The following MBLAC2 variants were observed in gnomAD, a reference collection of about 807,000 sequenced individuals.
The protein encoded by MBLAC2 is acyl-coenzyme A thioesterase MBLAC2.
MBLAC2 carries 24 observed loss-of-function variants against 23.3 expected under a neutral mutation model. That is an observed-to-expected ratio of 1.03 (90% confidence interval 0.75 to 1.45). The LOEUF is 1.45. Ranked by LOEUF, MBLAC2 falls within the 40% of genes most tolerant of loss-of-function variation. The probability of loss-of-function intolerance (pLI) is 0.00; values close to 1 mark genes in which losing one functional copy is unlikely to be tolerated. For synonymous variants in MBLAC2, 162 were observed against 150.9 expected, an observed-to-expected ratio of 1.07 and a Z score of -0.54; for missense variants, 358 against 370.0, an observed-to-expected ratio of 0.97 and a Z score of 0.27.
At chr5:90,470,032 C>T (rs1750519215) in intron 1 of MBLAC2, among the ~76,000 whole-genome samples, 1 of 152,134 alleles carries the variant, frequency 6.6e-6, no homozygotes, top group Non-Finnish European at 1.5e-5. Flanking sequence ...AAAATATACA[C>T]AGTGGAATTA....
At chr5:90,468,143 CT>C (rs1244208920) in intron 1 of MBLAC2, among the ~76,000 whole-genome samples, 19 of 152,258 alleles carry the variant, frequency 1.2e-4, no homozygotes, top group Middle Eastern at 6.8e-3. Flanking sequence ...TTCATCTTGA[CT>C]TTAGATAACA....
Position 90,473,672 on chromosome 5 carries a change from T to G in MBLAC2, c.454+167A>C, listed in dbSNP as rs752936071. 4.1e-6 allele frequency: 3 copies of G among 736,578 alleles called. 1 individual carries two copies. In the South Asian group the frequency reaches 4.4e-5, roughly 11 times the overall value. The allele number at this position is 736,578 out of a possible 1,614,324, so 45.6% of individuals were successfully genotyped here. ...CAGGGAAGGCTGTGATGGCCTTGAC[T>G]CTGGTCAAGTGGGTTTTTACTCAGG... On this transcript the variant is annotated intron_variant, in intron 1 of 1. Coordinates refer to ENST00000316610, the MANE Select transcript of MBLAC2 (RefSeq NM_203406.2).
chr5:90,467,877 T>A (rs1750476552), intron 1 of MBLAC2, among the ~76,000 whole-genome samples: 1 of 152,238 alleles, frequency 6.6e-6, no homozygotes, highest in South Asian at 2.1e-4. Context: ...GAGCTCCTTT[T>A]ATCAGTTCTT....
chr5:90,462,060 C>T (rs1750377012), intron 1 of MBLAC2, among the ~76,000 whole-genome samples: 1 of 152,112 alleles, frequency 6.6e-6, no homozygotes, highest in Non-Finnish European at 1.5e-5. Flanking sequence ...TGTATTTTGC[C>T]TCTTGTATCA....
In MBLAC2 at chr5:90,461,560, T is replaced by C. The variant is rs774338062; in HGVS notation, c.455-8A>G. The C allele has an allele frequency of 2.5e-6, 4 of 1,599,392 alleles. No homozygotes were observed. In the South Asian group the frequency reaches 3.4e-5, roughly 14 times the overall value. ...CAAGGTTGATCACATCCCCTACAAA[T>C]GGAAACAGAGTTTACAGATAAACAT... On this transcript the variant is annotated splice_region_variant and splice_polypyrimidine_tract_variant and intron_variant, in intron 1 of 1. Transcript: ENST00000316610.
intron 1 of MBLAC2, among the ~76,000 whole-genome samples, chr5:90,466,936 G>A (rs184064033): frequency 3.7e-4 from 57 of 152,248 alleles, no homozygotes; most frequent in African/African-American, 6.5e-4. Flanking sequence ...TCAGGAGTTC[G>A]AGATCACCCT....
Position 90,461,207 on chromosome 5 carries a change from C to A in MBLAC2, c.800G>T (p.Ser267Ile). Reference sequence around the variant, plus strand: ...AGAATTTGTTACACGTAGAGCTAAACTTGCAAGAGATCGCATGGCAAAAGT... The same window carrying A: ...AGAATTTGTTACACGTAGAGCTAAAATTGCAAGAGATCGCATGGCAAAAGT... ...VSTFAMRSLA[S>I]LALRVTNSRT... is the part of the protein sequence containing the mutation. Residue 267 changes from serine (S) to isoleucine (I), a missense_variant, in exon 2 of 2, where the codon AGT becomes ATT. Physicochemically the swap from Ser to Ile is moderately radical, Grantham distance 142 (BLOSUM62 -2). Coordinates refer to ENST00000316610, the MANE Select transcript of MBLAC2 (RefSeq NM_203406.2). 6.2e-7 allele frequency: 1 copy of A among 1,612,584 alleles called. No homozygotes were observed. Among genetic ancestry groups the A allele is most frequent in the East Asian group, 2.2e-5 (1 of 44,880 alleles).
chr5:90,468,661 T>C (rs151186819), intron 1 of MBLAC2, among the ~76,000 whole-genome samples: 4 of 152,140 alleles, frequency 2.6e-5, no homozygotes, highest in East Asian at 1.9e-4. Context: ...TTCTCCAAGA[T>C]AGACCATATG....
chr5:90,461,307 T>C lies in MBLAC2; in HGVS notation c.700A>G (p.Thr234Ala). 6.2e-7 allele frequency: 1 copy of C among 1,614,136 alleles called. No individual in the cohort carries two copies. Among genetic ancestry groups the C allele is most frequent in the Non-Finnish European group, 8.5e-7 (1 of 1,180,014 alleles). ...CGAAAAAGCCTTTCAGCACCAAAGG[T>C]ATTGAAGTGCCCAGGAAGCACCTTC... ...VEKVLPGHFNTFGAERLFRLA... is the reference protein window; with the variant it reads ...VEKVLPGHFNAFGAERLFRLA... The change falls in exon 2 of 2, where the codon ACC becomes GCC. Residue 234 changes from threonine (T) to alanine (A), a missense_variant. Transcript: ENST00000316610.
chr5:90,470,756 G>GCACA (rs35909248), intron 1 of MBLAC2, among the ~76,000 whole-genome samples: 1,631 of 140,640 alleles, frequency 0.012, 10 homozygotes, highest in Middle Eastern at 0.032. Context: ...TAGCGCGCGC[G>GCACA]CACACACACA....
At chr5:90,471,087 T>A (rs1209087263) in intron 1 of MBLAC2, among the ~76,000 whole-genome samples, 1 of 152,202 alleles carries the variant, frequency 6.6e-6, no homozygotes, top group Non-Finnish European at 1.5e-5. Context: ...ATAAAACTGT[T>A]AACTTAGTCA....
Position 90,458,908 on chromosome 5 carries a change from AAC to A in MBLAC2, c.*2257_*2258del, listed in dbSNP as rs1750310054. On this transcript the variant is annotated 3_prime_UTR_variant, in exon 2 of 2. Transcript: ENST00000316610. ...TTCTATGTTGTGGTACAATTTGAAA[AAC>A]TGAAAAAATTGGGAAATTAAAAAAT... 6.6e-6 allele frequency: 1 copy of A among 152,602 alleles called. No homozygotes were observed. The highest frequency in any genetic ancestry group is 2.4e-5 in the African/African-American group (1 of 41,460). 9.5% of individuals were successfully genotyped at this position (152,602 alleles called of 1,614,324 possible).
chr5:90,463,713 AAAGT>A (rs1213519781), intron 1 of MBLAC2, among the ~76,000 whole-genome samples: 1 of 152,204 alleles, frequency 6.6e-6, no homozygotes, highest in Non-Finnish European at 1.5e-5. Flanking sequence ...AATCAAACAC[AAAGT>A]AAGTGTTAAT....
chr5:90,471,068 T>C (rs1304255831), intron 1 of MBLAC2, among the ~76,000 whole-genome samples: 1 of 152,204 alleles, frequency 6.6e-6, no homozygotes, highest in South Asian at 2.1e-4. Context: ...TTCCCTTTGC[T>C]GGCATAGTAT....
chr5:90,461,180 C>T lies in MBLAC2; in HGVS notation c.827G>A (p.Arg276Lys). Reference sequence around the variant, plus strand: ...TCAGTATAGATACTAGGGCGAGGTCCTAGAATTTGTTACACGTAGAGCTAA... The same window carrying T: ...TCAGTATAGATACTAGGGCGAGGTCTTAGAATTTGTTACACGTAGAGCTAA... ...ASLALRVTNSRTSP is the reference protein window; with the variant it reads ...ASLALRVTNSKTSP The change falls in exon 2 of 2, where the codon AGG becomes AAG. Residue 276 changes from arginine to lysine, a missense_variant. Transcript: ENST00000316610. 3 of 1,600,552 alleles carry T rather than the reference C, an allele frequency of 1.9e-6. No individual in the cohort carries two copies. The highest frequency in any genetic ancestry group is 2.6e-6 in the Non-Finnish European group (3 of 1,175,288).
intron 1 of MBLAC2, among the ~76,000 whole-genome samples, chr5:90,467,523 G>GA (rs1398468142): frequency 1.3e-5 from 2 of 152,104 alleles, no homozygotes; most frequent in African/African-American, 4.8e-5. Flanking sequence ...CATATGCATG[G>GA]AAAATCTTTC....
chr5:90,474,737 C>T lies in MBLAC2; in HGVS notation c.-445G>A, dbSNP rs930079110. 5.7e-5 allele frequency: 11 copies of T among 193,116 alleles called. No homozygotes were observed. The highest frequency in any genetic ancestry group is 2.1e-5 in the Non-Finnish European group (2 of 94,818). The allele number at this position is 193,116 out of a possible 1,614,324, so 12.0% of individuals were successfully genotyped here. ...GGCTCTGCAGGGCGCGCACTCCCAGCTGGCGCAGAAAGTGTGGGGCCTCGC... is the reference window on the plus strand; with the variant it reads ...GGCTCTGCAGGGCGCGCACTCCCAGTTGGCGCAGAAAGTGTGGGGCCTCGC... On this transcript the variant is annotated 5_prime_UTR_variant, in exon 1 of 2. Transcript: ENST00000316610.
rs552091487 is a variant in MBLAC2, at chr5:90,474,588, G to C, written c.-296C>G. 1.1e-5 allele frequency: 5 copies of C among 440,730 alleles called. No homozygotes were observed. The highest frequency in any genetic ancestry group is 2.1e-5 in the Non-Finnish European group (5 of 243,062). The allele number at this position is 440,730 out of a possible 1,614,324, so 27.3% of individuals were successfully genotyped here. ...CAGCCTCGGCAGCCGCACCACGAGA[G>C]AGCTTTAACGCAGGGGCCACTGCAG... On this transcript the variant is annotated 5_prime_UTR_variant, in exon 1 of 2. Transcript: ENST00000316610.
chr5:90,470,756 G>A (rs9293543), intron 1 of MBLAC2, among the ~76,000 whole-genome samples: 115,759 of 140,332 alleles, frequency 0.82, 48,101 homozygotes, highest in South Asian at 0.91. Context: ...TAGCGCGCGC[G>A]CACACACACA....
Sources: allele counts gnomAD v4.1 joint callset (sites outside exome capture counted in the v4.1 genomes callset), GRCh38; gene constraint gnomAD v4.1.1; transcripts MANE v1.5; gene names NCBI Gene and HGNC (gene_info 2026-07-23, HGNC 2026-07-21).